The following MECOM variants were observed in gnomAD, a reference collection of about 807,000 sequenced individuals.
MECOM encodes the protein histone-lysine N-methyltransferase MECOM.
Under a neutral mutation model 116.3 loss-of-function variants are expected in MECOM, and 13 were observed. The observed-to-expected ratio is 0.11, with a 90% confidence interval of 0.07 to 0.18. MECOM has a LOEUF of 0.18. Among genes scored for constraint, MECOM ranks in the 10% least tolerant of loss-of-function variants. The pLI is 1.00. For synonymous variants in MECOM, 528 were observed against 535.2 expected (o/e 0.99, Z 0.19); for missense variants, 1,299 against 1,509.0 (o/e 0.86, Z 2.31).
intron 2 of MECOM, among the ~76,000 whole-genome samples, chr3:169,264,783 C>T (rs1041149259): frequency 5.3e-5 from 8 of 152,122 alleles, no homozygotes; most frequent in Admixed American, 5.2e-4. Context: ...AAGCTTTCTA[C>T]CTAAAGAGTA....
intron 1 of MECOM, chr3:169,389,542 C>T (rs1206617137): frequency 2.0e-6 from 2 of 985,292 alleles, no homozygotes; most frequent in Non-Finnish European, 2.4e-6. Flanking sequence ...TTTTGAGAGA[C>T]TTTTAGCAAC....
intron 1 of MECOM, among the ~76,000 whole-genome samples, chr3:169,606,034 A>G (rs1362229534): frequency 6.6e-6 from 1 of 152,178 alleles, no homozygotes; most frequent in Non-Finnish European, 1.5e-5. Flanking sequence ...TTAGGAGTGG[A>G]AGGAAAGAAT....
intron 2 of MECOM, among the ~76,000 whole-genome samples, chr3:169,151,054 C>A (rs1381656145): frequency 6.6e-6 from 1 of 152,186 alleles, no homozygotes; most frequent in Non-Finnish European, 1.5e-5. Flanking sequence ...GAAGTTAGTG[C>A]TCCAGTATTC....
intron 2 of MECOM, among the ~76,000 whole-genome samples, chr3:169,358,789 A>G (rs1727731603): frequency 6.6e-6 from 1 of 151,756 alleles, no homozygotes; most frequent in Non-Finnish European, 1.5e-5. Flanking sequence ...AAGACTTATA[A>G]CAAAGTTAAA....
chr3:169,357,944 A>G (rs1206644508), intron 2 of MECOM, among the ~76,000 whole-genome samples: 1 of 151,746 alleles, frequency 6.6e-6, no homozygotes, highest in Non-Finnish European at 1.5e-5. Context: ...TGAAGTTAAT[A>G]TACTAATTAA....
intron 3 of MECOM, among the ~76,000 whole-genome samples, chr3:169,143,056 C>T (rs915011295): frequency 6.6e-5 from 10 of 151,940 alleles, no homozygotes; most frequent in East Asian, 5.8e-4. Flanking sequence ...ATATGTTTCA[C>T]GATATTTTCA....
intron 1 of MECOM, among the ~76,000 whole-genome samples, chr3:169,515,797 T>C (rs1426966039): frequency 3.9e-5 from 6 of 152,216 alleles, no homozygotes; most frequent in Non-Finnish European, 7.3e-5. Context: ...TCTTGCAAGA[T>C]TTACTTGTAC....
intron 1 of MECOM, among the ~76,000 whole-genome samples, chr3:169,522,788 G>A (rs1238452232): frequency 6.6e-6 from 1 of 152,228 alleles, no homozygotes; most frequent in Non-Finnish European, 1.5e-5. Flanking sequence ...ATCTTCTGAT[G>A]TGTGTGACAA....
At chr3:169,569,473 C>T (rs1281606799) in intron 1 of MECOM, among the ~76,000 whole-genome samples, 1 of 152,172 alleles carries the variant, frequency 6.6e-6, no homozygotes, top group African/African-American at 2.4e-5. Context: ...AGCTCTGGAC[C>T]AAGCAGACCT....
intron 1 of MECOM, among the ~76,000 whole-genome samples, chr3:169,507,650 CTTTTTTTTTTTT>C (rs1165167849): frequency 0.19 from 10,845 of 57,304 alleles, 704 homozygotes; most frequent in South Asian, 0.2. Flanking sequence ...TCCCCACTTG[CTTTTTTTTTTTT>C]TTTTTTTTTT....
intron 2 of MECOM, among the ~76,000 whole-genome samples, chr3:169,177,999 G>A (rs1745422126): frequency 6.6e-6 from 1 of 152,044 alleles, no homozygotes; most frequent in Admixed American, 6.6e-5. Context: ...GAAAGAACAG[G>A]TTTTGTAACT....
intron 1 of MECOM, among the ~76,000 whole-genome samples, chr3:169,384,163 T>C (rs1178863702): frequency 6.6e-6 from 1 of 152,224 alleles, no homozygotes; most frequent in East Asian, 1.9e-4. Flanking sequence ...GTGATCTGCA[T>C]ATAGGTGTTT....
intron 16 of MECOM, among the ~76,000 whole-genome samples, chr3:169,088,167 A>T (rs1718443529): frequency 6.6e-6 from 1 of 152,216 alleles, no homozygotes; most frequent in African/African-American, 2.4e-5. Flanking sequence ...AAATGAACTA[A>T]TGGATCAGGC....
intron 9 of MECOM, among the ~76,000 whole-genome samples, chr3:169,110,946 T>C (rs1168487576): frequency 6.6e-6 from 1 of 152,168 alleles, no homozygotes; most frequent in Non-Finnish European, 1.5e-5. Context: ...TTGTGATCCT[T>C]AATTAACTTT....
At chr3:169,086,669 G>T in intron 16 of MECOM, 1 of 664,992 alleles carries the variant, frequency 1.5e-6, no homozygotes, top group Non-Finnish European at 2.7e-6. Context: ...GCCTGACTGA[G>T]GTAATACATA....
intron 2 of MECOM, among the ~76,000 whole-genome samples, chr3:169,346,816 T>C (rs1725443637): frequency 6.6e-6 from 1 of 152,022 alleles, no homozygotes; most frequent in Non-Finnish European, 1.5e-5. Context: ...GTTCCATATA[T>C]AGTTCCATGG....
intron 1 of MECOM, among the ~76,000 whole-genome samples, chr3:169,606,056 C>T (rs761934027): frequency 6.6e-6 from 1 of 152,130 alleles, no homozygotes; most frequent in Non-Finnish European, 1.5e-5. Context: ...ATTATTTAAC[C>T]TAGCCCAGAT....
At chr3:169,651,435 G>A (rs1774898239) in intron 1 of MECOM, among the ~76,000 whole-genome samples, 1 of 152,174 alleles carries the variant, frequency 6.6e-6, no homozygotes, top group African/African-American at 2.4e-5. Context: ...AAGGATTTTA[G>A]CATCTATGTT....
chr3:169,479,652 TAA>T (rs3042768), intron 1 of MECOM, among the ~76,000 whole-genome samples: 23,707 of 125,988 alleles, frequency 0.19, 2,384 homozygotes, highest in Non-Finnish European at 0.23. Flanking sequence ...TTCTCTTACC[TAA>T]AAAAAAAAAA....
Sources: allele counts gnomAD v4.1 joint callset (sites outside exome capture counted in the v4.1 genomes callset), GRCh38; gene constraint gnomAD v4.1.1; transcripts MANE v1.5; gene names NCBI Gene and HGNC (gene_info 2026-07-23, HGNC 2026-07-21).